SH3RF2: variants seen among roughly 807,000 people sequenced by gnomAD.
The protein encoded by SH3RF2 is E3 ubiquitin-protein ligase SH3RF2.
SH3RF2 carries 43 observed loss-of-function variants against 59.0 expected under a neutral mutation model. That is an observed-to-expected ratio of 0.73 (90% confidence interval 0.57 to 0.94). The LOEUF is 0.94. Among genes scored for constraint, SH3RF2 ranks in the 40% least tolerant of loss-of-function variants. The pLI is 0.00. For synonymous variants in SH3RF2, 391 were observed against 391.5 expected, an observed-to-expected ratio of 1.00 and a Z score of 0.01; for missense variants, 930 against 940.1, an observed-to-expected ratio of 0.99 and a Z score of 0.14.
chr5:146,018,224 T>C (rs1327945129), intron 5 of SH3RF2, among the ~76,000 whole-genome samples: 2 of 152,124 alleles, frequency 1.3e-5, no homozygotes, highest in African/African-American at 2.4e-5. Flanking sequence ...ATCCAATAGA[T>C]AATTTTTCTT....
chr5:146,029,337 A>T (rs1761659348), intron 5 of SH3RF2, among the ~76,000 whole-genome samples: 1 of 152,186 alleles, frequency 6.6e-6, no homozygotes, highest in African/African-American at 2.4e-5. Flanking sequence ...GGGGCATCTC[A>T]CATGCTAACT....
intron 2 of SH3RF2, among the ~76,000 whole-genome samples, chr5:145,978,389 C>T (rs889728310): frequency 7.2e-5 from 11 of 152,170 alleles, no homozygotes; most frequent in African/African-American, 1.9e-4. Flanking sequence ...GGCCAACGCC[C>T]CATCCTAGCT....
At chr5:146,079,753 TTAACCACAGGAGGAGG>T (rs1670657060) in exon 10 of SH3RF2, 1 of 152,246 alleles carries the variant, frequency 6.6e-6, no homozygotes, top group Non-Finnish European at 1.5e-5. Flanking sequence ...CTTGTCTCGG[TTAACCACAGGAGGAGG>T]TGACAATACA....
chr5:145,962,292 A>G (rs1758660357), intron 2 of SH3RF2, among the ~76,000 whole-genome samples: 1 of 152,230 alleles, frequency 6.6e-6, no homozygotes, highest in South Asian at 2.1e-4. Flanking sequence ...GGCTCACAAA[A>G]GGAAGAGATC....
At chr5:146,031,416 C>T (rs1761737819) in intron 5 of SH3RF2, among the ~76,000 whole-genome samples, 1 of 152,084 alleles carries the variant, frequency 6.6e-6, no homozygotes, top group South Asian at 2.1e-4. Flanking sequence ...AGCCAATAAA[C>T]AGAAGAGACT....
chr5:146,023,008 A>C (rs1472391600), intron 5 of SH3RF2, among the ~76,000 whole-genome samples: 1 of 152,082 alleles, frequency 6.6e-6, no homozygotes, highest in Non-Finnish European at 1.5e-5. Flanking sequence ...AATGGGAACA[A>C]AATGAATTAA....
At chr5:146,074,196 C>G (rs886182804) in intron 9 of SH3RF2, among the ~76,000 whole-genome samples, 3 of 152,032 alleles carry the variant, frequency 2.0e-5, no homozygotes, top group Non-Finnish European at 2.9e-5. Context: ...CCCAACACCA[C>G]GCCCGGCTAA....
At position 146,011,974 on chromosome 5, in the gene SH3RF2, T is replaced by C. The variant is rs567228420; in HGVS notation, c.745-1773T>C. ...GTCTTGTGCTAGTTTTTAAAGGCAA[T>C]GCTTCCAGTTTTTGCCCATTCAGTA... On this transcript the variant is annotated intron_variant, in intron 4 of 9. Coordinates refer to ENST00000359120, the MANE Select transcript of SH3RF2 (RefSeq NM_152550.4). Among the ~76,000 whole-genome samples, 15 of 152,322 alleles carry C rather than the reference T, an allele frequency of 9.8e-5. 3 individuals are homozygous for C. Among genetic ancestry groups the C allele is most frequent in the African/African-American group, 3.6e-4 (15 of 41,572 alleles).
chr5:146,077,201 G>T (rs1763355593), intron 9 of SH3RF2, among the ~76,000 whole-genome samples: 1 of 152,142 alleles, frequency 6.6e-6, no homozygotes, highest in Non-Finnish European at 1.5e-5. Flanking sequence ...CCCCTCACAA[G>T]GGGCTGCCAG....
chr5:146,017,671 T>C (rs1298540292), intron 5 of SH3RF2, among the ~76,000 whole-genome samples: 1 of 152,170 alleles, frequency 6.6e-6, no homozygotes, highest in Non-Finnish European at 1.5e-5. Flanking sequence ...TACATTCAGC[T>C]AATCAGTAAG....
intron 4 of SH3RF2, 118 bp downstream of exon 4, chr5:146,004,271 T>C: frequency 1.5e-6 from 1 of 687,982 alleles, no homozygotes; most frequent in Non-Finnish European, 2.2e-6. Context: ...CTAACTAAAA[T>C]CTCTAAAGAA....
chr5:145,987,285 C>A (rs1373307008), intron 2 of SH3RF2, among the ~76,000 whole-genome samples: 1 of 152,066 alleles, frequency 6.6e-6, no homozygotes, highest in African/African-American at 2.4e-5. Flanking sequence ...GATTTGGGTG[C>A]ACCCATCACC....
intron 2 of SH3RF2, among the ~76,000 whole-genome samples, chr5:145,949,598 C>T (rs1303776744): frequency 6.6e-6 from 1 of 152,122 alleles, no homozygotes; most frequent in Non-Finnish European, 1.5e-5. Context: ...CCAAATTTCT[C>T]CTCAGAGTGG....
At chr5:145,938,822 T>C (rs898867735) in intron 2 of SH3RF2, among the ~76,000 whole-genome samples, 1 of 152,218 alleles carries the variant, frequency 6.6e-6, no homozygotes, top group Non-Finnish European at 1.5e-5. Context: ...GCTATCAAGA[T>C]ACTTGACGCG....
At chr5:146,020,329 A>T (rs1453547387) in intron 5 of SH3RF2, among the ~76,000 whole-genome samples, 1 of 152,220 alleles carries the variant, frequency 6.6e-6, no homozygotes, top group Admixed American at 6.5e-5. Context: ...GTGTGTGTGT[A>T]CATTCCTATA....
intron 2 of SH3RF2, among the ~76,000 whole-genome samples, chr5:145,985,829 C>T (rs1054716177): frequency 3.3e-5 from 5 of 151,916 alleles, no homozygotes; most frequent in African/African-American, 1.2e-4. Context: ...TAGCAAGACC[C>T]CATCTCTACA....
intron 2 of SH3RF2, among the ~76,000 whole-genome samples, chr5:145,996,665 A>C (rs1239580730): frequency 6.6e-6 from 1 of 152,216 alleles, no homozygotes; most frequent in Non-Finnish European, 1.5e-5. Context: ...AAAGGAAAGA[A>C]GTAGAGCCAG....
In SH3RF2 at chr5:146,062,710, G is replaced by C. The variant is rs557655353; in HGVS notation, c.*9G>C. 1 of 1,609,100 alleles carries C rather than the reference G, an allele frequency of 6.2e-7. No homozygotes were observed. The highest frequency in any genetic ancestry group is 1.7e-5 in the Admixed American group (1 of 59,848). ...TGTTTCCCAGCAAATGAACCTACGGGTGGCTTTTCCTAGACCCCAAAGAGG... is the reference window on the plus strand; with the variant it reads ...TGTTTCCCAGCAAATGAACCTACGGCTGGCTTTTCCTAGACCCCAAAGAGG... On this transcript the variant is annotated 3_prime_UTR_variant, in exon 10 of 10. Transcript: ENST00000359120.
intron 2 of SH3RF2, among the ~76,000 whole-genome samples, chr5:145,976,688 G>T (rs1189703732): frequency 6.6e-6 from 1 of 152,206 alleles, no homozygotes; most frequent in Non-Finnish European, 1.5e-5. Flanking sequence ...ATATTGACCA[G>T]AAGTGACTTA....
Sources: gnomAD v4.1 joint callset for allele counts (sites outside exome capture counted in the v4.1 genomes callset) on GRCh38, gnomAD v4.1.1 for gene constraint, MANE v1.5 for transcripts, NCBI Gene and HGNC (gene_info 2026-07-23, HGNC 2026-07-21) for gene names.